The following BCL11B variants were observed in gnomAD, a reference collection of about 807,000 sequenced individuals.
BCL11B encodes the protein B-cell lymphoma/leukemia 11B.
Under a neutral mutation model 49.9 loss-of-function variants are expected in BCL11B, and 8 were observed. The observed-to-expected ratio is 0.16, with a 90% CI of 0.09 to 0.29. The LOEUF is 0.29. Ranked by LOEUF, BCL11B falls within the 10% of genes least tolerant of loss-of-function variation. The pLI is 1.00. For synonymous variants in BCL11B, 739 were observed against 637.4 expected (o/e 1.16, Z -2.40); for missense variants, 1,006 against 1,351.0 (o/e 0.74, Z 4.00).
intron 3 of BCL11B, among the ~76,000 whole-genome samples, chr14:99,202,561 A>C (rs750941826): frequency 6.6e-6 from 1 of 152,076 alleles, no homozygotes; most frequent in Non-Finnish European, 1.5e-5. Flanking sequence ...TCCTGAAGCC[A>C]TGCGCAAGGC....
At chr14:99,233,401 G>A (rs983560493) in intron 2 of BCL11B, among the ~76,000 whole-genome samples, 1 of 152,228 alleles carries the variant, frequency 6.6e-6, no homozygotes, top group Non-Finnish European at 1.5e-5. Context: ...CTGCAGCTGG[G>A]TAAGTGACCA....
chr14:99,189,206 C>A (rs985645724), intron 3 of BCL11B, among the ~76,000 whole-genome samples: 1 of 152,240 alleles, frequency 6.6e-6, no homozygotes, highest in African/African-American at 2.4e-5. Context: ...ACTTCTGCGG[C>A]GCTTTGCCTC....
intron 2 of BCL11B, among the ~76,000 whole-genome samples, chr14:99,250,564 A>C (rs1888978939): frequency 6.6e-6 from 1 of 152,208 alleles, no homozygotes; most frequent in Non-Finnish European, 1.5e-5. Flanking sequence ...GCCCACTCCT[A>C]ACAGATTCTA....
At chr14:99,235,467 T>G (rs1888468798) in intron 2 of BCL11B, among the ~76,000 whole-genome samples, 1 of 152,194 alleles carries the variant, frequency 6.6e-6, no homozygotes, top group Non-Finnish European at 1.5e-5. Context: ...AAAATTACTA[T>G]GCATGAATGC....
At position 99,194,705 on chromosome 14, in the gene BCL11B, G is replaced by A. The variant is rs547488983; in HGVS notation, c.641-18510C>T. 6.6e-6 allele frequency among the ~76,000 whole-genome samples: 1 copy of A among 152,318 alleles called. No homozygotes were observed. Among genetic ancestry groups the A allele is most frequent in the South Asian group, 2.1e-4 (1 of 4,830 alleles). On this transcript the variant is annotated intron_variant, in intron 3 of 3. Coordinates refer to ENST00000357195, the MANE Select transcript of BCL11B (RefSeq NM_138576.4). This position sits in a 1 kb window ranked among gnomAD's most constrained non-coding sequence, Gnocchi z 4.6. ...GAGATTCAACCAGGTTGCGTGGCTG[G>A]TCCTACAGGAAGTGAAGGAGCTGGG...
intron 3 of BCL11B, among the ~76,000 whole-genome samples, chr14:99,201,735 T>A (rs1887390558): frequency 6.6e-6 from 1 of 152,132 alleles, no homozygotes; most frequent in Non-Finnish European, 1.5e-5. Flanking sequence ...TGGCTGCCCC[T>A]CCACTGTGCC....
At position 99,228,431 on chromosome 14, in the gene BCL11B, G is replaced by A. The variant is rs1375041221; in HGVS notation, c.640+2914C>T. Among the ~76,000 whole-genome samples, 4 of 152,124 alleles carry A rather than the reference G, an allele frequency of 2.6e-5. No homozygotes were observed. Among genetic ancestry groups the A allele is most frequent in the South Asian group, 2.1e-4 (1 of 4,820 alleles). On this transcript the variant is annotated intron_variant, in intron 3 of 3. Transcript: ENST00000357195. This position sits in a 1 kb window ranked among gnomAD's most constrained non-coding sequence, Gnocchi z 4.8. ...TGGTGAGGGCCAATGAACTGGGACC[G>A]AATGAAAAAAGAGAACTGTACCAGA...
rs1026790984 is a variant in BCL11B at position 99,184,760 on chromosome 14, G to A, written c.641-8565C>T. Among the ~76,000 whole-genome samples, 1 of 152,142 alleles carries A rather than the reference G, an allele frequency of 6.6e-6. No homozygotes were observed. The highest frequency in any genetic ancestry group is 1.5e-5 in the Non-Finnish European group (1 of 68,022). On this transcript the variant is annotated intron_variant, in intron 3 of 3. Transcript: ENST00000357195. The surrounding 1 kb of genome is among the most constrained non-coding windows in gnomAD (Gnocchi z 6.1). Reference sequence around the variant, plus strand: ...CCGGGAGGCCAAGCTGAAGGCCTTCGAGGGCAGGAAATGGCCCAGAAGAAA... The same window carrying A: ...CCGGGAGGCCAAGCTGAAGGCCTTCAAGGGCAGGAAATGGCCCAGAAGAAA...
chr14:99,271,735 A>G lies in BCL11B; in HGVS notation c.-517T>C, dbSNP rs374101354. Among the ~76,000 whole-genome samples the G allele has an allele frequency of 6.6e-6, 1 of 151,798 alleles. No individual in the cohort carries two copies. Among genetic ancestry groups the G allele is most frequent in the East Asian group, 1.9e-4 (1 of 5,182 alleles). On this transcript the variant is annotated 5_prime_UTR_variant, in exon 1 of 4. Transcript: ENST00000357195. ...CGCACTTCTACCAGGAGGGGAAAAA[A>G]AATGCAAACAAATAAAAAAATAAAA...
chr14:99,181,856 G>C (rs965875706), intron 3 of BCL11B, among the ~76,000 whole-genome samples: 3 of 152,186 alleles, frequency 2.0e-5, no homozygotes, highest in Non-Finnish European at 2.9e-5. Flanking sequence ...GAGATGGCTG[G>C]TTTCACCGGC....
Position 99,194,426 on chromosome 14 carries a change from G to A in BCL11B, c.641-18231C>T, listed in dbSNP as rs2139804504. On this transcript the variant is annotated intron_variant, in intron 3 of 3. Transcript: ENST00000357195. This position sits in a 1 kb window ranked among gnomAD's most constrained non-coding sequence, Gnocchi z 4.6. ...AGGAAGATGCCTGTAGGCATGGCCA[G>A]AGCTCTGTCCTTCTCGGCTTCTGCC... is the stretch of plus-strand genomic sequence containing the variant. 6.6e-6 allele frequency among the ~76,000 whole-genome samples: 1 copy of A among 152,346 alleles called. No individual in the cohort carries two copies. The highest frequency in any genetic ancestry group is 2.4e-5 in the African/African-American group (1 of 41,572).
At chr14:99,269,919 G>T (rs1889609508) in intron 1 of BCL11B, among the ~76,000 whole-genome samples, 1 of 135,362 alleles carries the variant, frequency 7.4e-6, no homozygotes, top group Non-Finnish European at 1.5e-5. Flanking sequence ...AAGGAACGGC[G>T]ACCCAGGCAC....
intron 3 of BCL11B, among the ~76,000 whole-genome samples, chr14:99,181,454 G>A (rs376802562): frequency 2.2e-4 from 34 of 152,326 alleles, no homozygotes; most frequent in African/African-American, 7.5e-4. Context: ...GGCAGGCCAC[G>A]CTCCTCCTCA....
chr14:99,254,777 A>T (rs1398792816), intron 2 of BCL11B, among the ~76,000 whole-genome samples: 1 of 152,260 alleles, frequency 6.6e-6, no homozygotes, highest in Admixed American at 6.5e-5. Context: ...GGTTTCCGGA[A>T]GCCTGGGCGG....
At position 99,175,260 on chromosome 14, in the gene BCL11B, G is replaced by C. The variant is rs906419948; in HGVS notation, c.1576C>G (p.Leu526Val). 3.0e-5 allele frequency: 46 copies of C among 1,542,102 alleles called. No homozygotes were observed. The highest frequency in any genetic ancestry group is 3.9e-5 in the Non-Finnish European group (45 of 1,148,242). Reference protein sequence around the residue: ...DFRHHESDPSLGHEPEEEDEE... With the variant: ...DFRHHESDPSVGHEPEEEDEE... ...TCCTCCTCCTCCGGCTCGTGGCCCA[G>C]CGACGGGTCGCTCTCGTGGTGGCGG... The change falls in exon 4 of 4, where the codon CTG becomes GTG. Residue 526 changes from leucine (L) to valine (V), a missense_variant. Transcript: ENST00000357195.
intron 2 of BCL11B, among the ~76,000 whole-genome samples, chr14:99,237,136 C>T (rs1307936447): frequency 2.0e-5 from 3 of 151,660 alleles, no homozygotes; most frequent in East Asian, 3.9e-4. Context: ...GAGACTTCTT[C>T]GTTTGCTCAA....
chr14:99,216,746 G>T (rs1399708189), intron 3 of BCL11B, among the ~76,000 whole-genome samples: 1 of 152,108 alleles, frequency 6.6e-6, no homozygotes, highest in Non-Finnish European at 1.5e-5. Context: ...GCTGGGAGGG[G>T]CCTGTTCTGT....
intron 2 of BCL11B, among the ~76,000 whole-genome samples, chr14:99,256,321 C>A (rs985708115): frequency 6.6e-6 from 1 of 152,294 alleles, no homozygotes; most frequent in South Asian, 2.1e-4. Context: ...AGAAGTGCCA[C>A]GGGCAAAAGA....
intron 3 of BCL11B, among the ~76,000 whole-genome samples, chr14:99,190,441 T>C (rs534439147): frequency 1.3e-5 from 2 of 152,370 alleles, no homozygotes; most frequent in East Asian, 3.9e-4. Flanking sequence ...TGAGCCGAGA[T>C]GGCACCATTG....
Sources: allele counts gnomAD v4.1 joint callset (sites outside exome capture counted in the v4.1 genomes callset), GRCh38; gene constraint gnomAD v4.1.1; non-coding constraint Gnocchi (gnomAD v3.1); transcripts MANE v1.5; gene names NCBI Gene and HGNC (gene_info 2026-07-23, HGNC 2026-07-21).